PDE4D: variants seen among roughly 807,000 people sequenced by gnomAD.
The protein encoded by PDE4D is 3',5'-cyclic-AMP phosphodiesterase 4D.
In PDE4D, 24 loss-of-function variants were observed where a neutral mutation model predicts 87.4. The observed-to-expected ratio is 0.27, with a 90% CI of 0.20 to 0.39. The LOEUF is 0.39. PDE4D is among the 10% of genes least tolerant of loss of function. PDE4D has a pLI of 1.00. For synonymous variants in PDE4D, 384 were observed against 383.2 expected (o/e 1.00, Z -0.02); for missense variants, 714 against 1,041.0 (o/e 0.69, Z 4.32).
chr5:59,761,077 C>G (rs1428163035), intron 1 of PDE4D, among the ~76,000 whole-genome samples: 1 of 152,176 alleles, frequency 6.6e-6, no homozygotes, highest in African/African-American at 2.4e-5. Context: ...TCCTAGCCTA[C>G]AAACCTGTAC....
At chr5:59,411,100 A>G (rs922228618) in intron 1 of PDE4D, among the ~76,000 whole-genome samples, 1 of 150,590 alleles carries the variant, frequency 6.6e-6, no homozygotes, top group Admixed American at 6.6e-5. Context: ...CCTATGGAGG[A>G]CTCCCCTTCA....
chr5:60,053,761 A>G (rs1770471545), intron 2 of PDE4D, among the ~76,000 whole-genome samples: 1 of 152,164 alleles, frequency 6.6e-6, no homozygotes, highest in Admixed American at 6.5e-5. Flanking sequence ...ACTACAGAAT[A>G]GGGAACATTT....
intron 5 of PDE4D, among the ~76,000 whole-genome samples, chr5:59,118,510 C>G (rs1773977167): frequency 6.6e-6 from 1 of 152,200 alleles, no homozygotes; most frequent in African/African-American, 2.4e-5. Flanking sequence ...TAGGTCTGCT[C>G]TAGCACTTTT....
chr5:59,555,241 G>A (rs956811056), intron 1 of PDE4D, among the ~76,000 whole-genome samples: 1 of 152,116 alleles, frequency 6.6e-6, no homozygotes, highest in African/African-American at 2.4e-5. Flanking sequence ...GCAAACTAAC[G>A]CAGGAACACA....
At chr5:60,488,770 G>A (rs1450684066), upstream of PDE4D, among the ~76,000 whole-genome samples, 3 of 152,070 alleles carry the variant, frequency 2.0e-5, no homozygotes, top group South Asian at 2.1e-4. Context: ...AAAGTTTTTC[G>A]TATCTTAAAG....
rs532314991 is a variant in PDE4D at position 59,282,591 on chromosome 5, C to T, written c.456-66623G>A. On this transcript the variant is annotated intron_variant, in intron 1 of 14. Transcript: ENST00000340635. ...TTGGGAGGAGGAGGTTGCAGTGAGC[C>T]GAGATCGTGTCATTGGACTCCAACC... 3.8e-4 allele frequency among the ~76,000 whole-genome samples: 52 copies of T among 137,444 alleles called. 1 individual carries two copies. Among genetic ancestry groups the T allele is most frequent in the South Asian group, 1.4e-3 (6 of 4,440 alleles). 90.2% of individuals were successfully genotyped at this position (137,444 alleles called of 152,430 possible). A position where few individuals can be genotyped will look rare whatever the true frequency, so the allele number is the denominator to read the frequency against.
intron 1 of PDE4D, among the ~76,000 whole-genome samples, chr5:59,767,784 C>A (rs1259044686): frequency 2.6e-5 from 4 of 152,082 alleles, no homozygotes; most frequent in African/African-American, 9.7e-5. Flanking sequence ...GACACACCAC[C>A]ATTACACACA....
In PDE4D at chr5:59,209,154, A is replaced by G. The variant is rs75962303; in HGVS notation, c.647+6623T>C. Among the ~76,000 whole-genome samples, 762 of 152,226 alleles carry G rather than the reference A, an allele frequency of 5.0e-3. 5 individuals are homozygous for G. The highest frequency in any genetic ancestry group is 0.018 in the African/African-American group (732 of 41,542). ...TTAACTCCTAACAAAATTCTCTCAA[A>G]TAGTCTCACATAGAGATCTGATTTA... On this transcript the variant is annotated intron_variant, in intron 2 of 14. Transcript: ENST00000340635.
At chr5:59,948,630 C>T (rs1056104926) in intron 3 of PDE4D, among the ~76,000 whole-genome samples, 1 of 152,192 alleles carries the variant, frequency 6.6e-6, no homozygotes, top group Non-Finnish European at 1.5e-5. Flanking sequence ...TGAACCCCTA[C>T]AAATAGCAAG....
At chr5:59,381,298 A>G (rs1362949510) in intron 1 of PDE4D, among the ~76,000 whole-genome samples, 1 of 152,184 alleles carries the variant, frequency 6.6e-6, no homozygotes, top group African/African-American at 2.4e-5. Context: ...CGATATTAAT[A>G]TGATTATATT....
intron 1 of PDE4D, among the ~76,000 whole-genome samples, chr5:59,664,581 T>C (rs891987798): frequency 3.3e-5 from 5 of 152,208 alleles, no homozygotes; most frequent in Admixed American, 1.3e-4. Context: ...CCTGCCATAA[T>C]GGTTTCATTT....
chr5:59,462,911 A>T (rs1238045702), intron 1 of PDE4D, among the ~76,000 whole-genome samples: 2 of 152,140 alleles, frequency 1.3e-5, no homozygotes, highest in Admixed American at 1.3e-4. Context: ...TGTAAAAAAA[A>T]AAACTGCAGA....
At chr5:59,138,905 A>G (rs1232611901) in intron 5 of PDE4D, among the ~76,000 whole-genome samples, 1 of 152,220 alleles carries the variant, frequency 6.6e-6, no homozygotes, top group African/African-American at 2.4e-5. Flanking sequence ...AGGTGTGTGA[A>G]AGATTTATGA....
intron 2 of PDE4D, among the ~76,000 whole-genome samples, chr5:60,091,209 G>A (rs1161487867): frequency 2.0e-5 from 3 of 152,150 alleles, no homozygotes; most frequent in Non-Finnish European, 2.9e-5. Flanking sequence ...ACAGAGTGAA[G>A]AGACAACCTG....
At chr5:60,267,801 G>C (rs1458490250) in intron 1 of PDE4D, among the ~76,000 whole-genome samples, 1 of 152,138 alleles carries the variant, frequency 6.6e-6, no homozygotes, top group African/African-American at 2.4e-5. Flanking sequence ...ATCTGTGTTT[G>C]CTGTCTTTTT....
At chr5:59,392,770 G>T (rs1283880339) in intron 1 of PDE4D, among the ~76,000 whole-genome samples, 1 of 152,140 alleles carries the variant, frequency 6.6e-6, no homozygotes, top group Non-Finnish European at 1.5e-5. Flanking sequence ...CCTGGCTCCT[G>T]CAGATATGTG....
chr5:60,023,774 T>C (rs1055051728), intron 2 of PDE4D, among the ~76,000 whole-genome samples: 5 of 152,182 alleles, frequency 3.3e-5, no homozygotes, highest in African/African-American at 4.8e-5. Flanking sequence ...GTCCTGTAAG[T>C]AGAAAATATT....
At chr5:59,766,297 C>T (rs1762784223) in intron 1 of PDE4D, among the ~76,000 whole-genome samples, 1 of 152,114 alleles carries the variant, frequency 6.6e-6, no homozygotes, top group Non-Finnish European at 1.5e-5. Context: ...AAATCGATAC[C>T]ATGATTTTTA....
At chr5:59,519,634 T>C in intron 1 of PDE4D, among the ~76,000 whole-genome samples, 1 of 152,176 alleles carries the variant, frequency 6.6e-6, no homozygotes, top group South Asian at 2.1e-4. Context: ...ATGTAGAAGT[T>C]TAACAGACAT....
Sources: allele counts gnomAD v4.1 joint callset (sites outside exome capture counted in the v4.1 genomes callset), GRCh38; gene constraint gnomAD v4.1.1; transcripts MANE v1.5; gene names NCBI Gene and HGNC (gene_info 2026-07-23, HGNC 2026-07-21).